Variants in ADAM22 observed in about 807,000 individuals in gnomAD.
ADAM22 encodes the protein ADAM metallopeptidase domain 22.
Under a neutral mutation model 144.6 loss-of-function variants are expected in ADAM22, and 65 were observed. That is an observed-to-expected ratio of 0.45 (90% CI 0.37 to 0.55). The LOEUF is 0.55. ADAM22 is among the 20% of genes least tolerant of loss of function. The probability of loss-of-function intolerance (pLI) is 0.00; values close to 1 mark genes in which losing one functional copy is unlikely to be tolerated. For missense variants in ADAM22, 974 were observed against 1,184.9 expected (o/e 0.82, Z 2.61); for synonymous variants, 391 against 412.6 (o/e 0.95, Z 0.63).
chr7:88,121,084 G>A (rs568944946), intron 7 of ADAM22, among the ~76,000 whole-genome samples: 42 of 152,184 alleles, frequency 2.8e-4, no homozygotes, highest in African/African-American at 9.6e-4. Flanking sequence ...ATGAATATGA[G>A]TCTATTTCTT....
chr7:88,066,561 G>T (rs1416388567), intron 3 of ADAM22, among the ~76,000 whole-genome samples: 2 of 151,994 alleles, frequency 1.3e-5, no homozygotes, highest in Non-Finnish European at 1.5e-5. Context: ...ATTCTAAGCT[G>T]GAGAAACATC....
intron 5 of ADAM22, among the ~76,000 whole-genome samples, chr7:88,109,772 C>T (rs1244451303): frequency 6.6e-6 from 1 of 150,998 alleles, no homozygotes; most frequent in East Asian, 1.9e-4. Context: ...GCAAGCTAAG[C>T]ATTGTCACCG....
intron 3 of ADAM22, among the ~76,000 whole-genome samples, chr7:88,019,487 G>T (rs903395462): frequency 6.6e-6 from 1 of 151,562 alleles, no homozygotes; most frequent in Non-Finnish European, 1.5e-5. Flanking sequence ...AACAAAGAAA[G>T]AAATAAATAC....
At chr7:88,016,306 A>T (rs1796527553) in intron 3 of ADAM22, among the ~76,000 whole-genome samples, 1 of 152,154 alleles carries the variant, frequency 6.6e-6, no homozygotes, top group Admixed American at 6.5e-5. Context: ...CCTATCTAAC[A>T]AATGTTTAAC....
At chr7:88,015,791 A>G (rs1796419753) in intron 3 of ADAM22, among the ~76,000 whole-genome samples, 1 of 152,100 alleles carries the variant, frequency 6.6e-6, no homozygotes, top group South Asian at 2.1e-4. Context: ...CCTACATTTC[A>G]TTTTGCGTAG....
At chr7:88,076,182 C>T (rs879502214) in intron 4 of ADAM22, among the ~76,000 whole-genome samples, 5 of 152,138 alleles carry the variant, frequency 3.3e-5, no homozygotes, top group South Asian at 2.1e-4. Context: ...GGATTACAGG[C>T]GCCTGCCACC....
At chr7:87,971,475 T>C (rs1477490514) in intron 2 of ADAM22, among the ~76,000 whole-genome samples, 1 of 152,212 alleles carries the variant, frequency 6.6e-6, no homozygotes, top group African/African-American at 2.4e-5. Flanking sequence ...TCTTGTATTA[T>C]GTGACCTCTA....
chr7:88,127,385 A>G (rs952119316), intron 8 of ADAM22, among the ~76,000 whole-genome samples: 21 of 151,956 alleles, frequency 1.4e-4, no homozygotes, highest in Admixed American at 1.1e-3. Context: ...TGACATTAAC[A>G]AAATGTTGGG....
intron 2 of ADAM22, among the ~76,000 whole-genome samples, chr7:87,957,841 C>T (rs1021220492): frequency 6.6e-6 from 1 of 152,168 alleles, no homozygotes; most frequent in Non-Finnish European, 1.5e-5. Context: ...CCTCGGCCTC[C>T]CAAAGGGCTG....
At chr7:88,133,232 G>A (rs945269258) in intron 12 of ADAM22, among the ~76,000 whole-genome samples, 14 of 151,812 alleles carry the variant, frequency 9.2e-5, no homozygotes, top group Middle Eastern at 3.2e-3. Context: ...GTGTGGTAGC[G>A]TGTGCCTGTA....
At chr7:88,019,070 C>CAAA (rs3216246) in intron 3 of ADAM22, among the ~76,000 whole-genome samples, 1 of 142,248 alleles carries the variant, frequency 7.0e-6, no homozygotes, top group African/African-American at 2.5e-5. Context: ...ACTACTAAAC[C>CAAA]AAAAAAAAAA....
chr7:88,116,102 G>A (rs75477874), intron 6 of ADAM22, among the ~76,000 whole-genome samples: 1,554 of 152,028 alleles, frequency 0.01, 26 homozygotes, highest in African/African-American at 0.035. Flanking sequence ...ACTGCTGCCT[G>A]TCTTGTCACT....
chr7:88,136,135 C>A (rs888518939), intron 14 of ADAM22, 104 bp downstream of exon 14: 2 of 964,060 alleles, frequency 2.1e-6, no homozygotes, highest in South Asian at 2.6e-5. Flanking sequence ...GAATCTAGCA[C>A]TTATAAAATA....
At chr7:88,122,030 T>C (rs557341984) in intron 7 of ADAM22, among the ~76,000 whole-genome samples, 1 of 152,308 alleles carries the variant, frequency 6.6e-6, no homozygotes, top group African/African-American at 2.4e-5. Flanking sequence ...ATGGCTTAGA[T>C]GGGTTCTCTG....
At chr7:88,156,648 G>C (rs1442691002) in intron 22 of ADAM22, among the ~76,000 whole-genome samples, 1 of 151,956 alleles carries the variant, frequency 6.6e-6, no homozygotes, top group African/African-American at 2.4e-5. Flanking sequence ...TAGATGAAAG[G>C]CTGTTAAAAA....
chr7:88,074,849 T>C (rs150789503), intron 3 of ADAM22, among the ~76,000 whole-genome samples: 1 of 152,236 alleles, frequency 6.6e-6, no homozygotes, highest in Non-Finnish European at 1.5e-5. Context: ...AGTTTTAGTT[T>C]GATGACCTTC....
chr7:88,045,888 T>TTGTGTGTGTG (rs59898382), intron 3 of ADAM22, among the ~76,000 whole-genome samples: 5,296 of 133,918 alleles, frequency 0.04, 137 homozygotes, highest in Non-Finnish European at 0.053. Context: ...TCGTATTCTA[T>TTGTGTGTGTG]TGTGTGTGTG....
chr7:88,082,275 G>C (rs1816932992), intron 4 of ADAM22, among the ~76,000 whole-genome samples: 1 of 152,178 alleles, frequency 6.6e-6, no homozygotes, highest in Non-Finnish European at 1.5e-5. Context: ...GGGAAAACTG[G>C]CTAGCCATAA....
At chr7:88,055,634 T>G (rs1808040026) in intron 3 of ADAM22, among the ~76,000 whole-genome samples, 1 of 152,178 alleles carries the variant, frequency 6.6e-6, no homozygotes. Context: ...CCGCACCTAG[T>G]TGAGAAATGT....
Sources: gnomAD v4.1 joint callset for allele counts (sites outside exome capture counted in the v4.1 genomes callset) on GRCh38, gnomAD v4.1.1 for gene constraint, MANE v1.5 for transcripts, NCBI Gene and HGNC (gene_info 2026-07-23, HGNC 2026-07-21) for gene names.